DIAPH2: variants seen among roughly 807,000 people sequenced by gnomAD.
DIAPH2 encodes diaphanous related formin 2.
Under a neutral mutation model 92.7 loss-of-function variants are expected in DIAPH2, and 35 were observed. The ratio of observed to expected loss-of-function variants is 0.38; its 90% confidence interval spans 0.29 to 0.50. The LOEUF is 0.50. DIAPH2 is among the 20% of genes least tolerant of loss of function. The pLI, the probability that DIAPH2 is intolerant of heterozygous loss-of-function variation, is 0.94. For synonymous variants in DIAPH2, 301 were observed against 280.4 expected, an observed-to-expected ratio of 1.07 and a Z score of -0.73; for missense variants, 701 against 819.5, an observed-to-expected ratio of 0.86 and a Z score of 1.77.
At chrX:97,022,241 G>C (rs1431108500) in intron 17 of DIAPH2, among the ~76,000 whole-genome samples, 1 of 112,146 alleles carries the variant, frequency 8.9e-6, no homozygotes, top group Admixed American at 9.5e-5. Flanking sequence ...TTATATTCAG[G>C]ATAATGAGTA....
chrX:96,826,222 G>C (rs1183422585), intron 4 of DIAPH2, among the ~76,000 whole-genome samples: 1 of 110,295 alleles, frequency 9.1e-6, no homozygotes, highest in Non-Finnish European at 1.9e-5. Context: ...TTCGAGACCA[G>C]CCTGGCCAAA....
At chrX:96,751,647 G>GTTTTTTTTTTTTTTTTTTTTTTTT (rs1332024432) in intron 3 of DIAPH2, among the ~76,000 whole-genome samples, 111 of 84,970 alleles carry the variant, frequency 1.3e-3, no homozygotes, top group East Asian at 2.7e-3. Context: ...AGACTTCAGT[G>GTTTTTTTTTTTTTTTTTTTTTTTT]TTTTGTTTTT....
chrX:97,144,399 T>C (rs1348843104), intron 22 of DIAPH2, among the ~76,000 whole-genome samples: 1 of 111,125 alleles, frequency 9.0e-6, no homozygotes, highest in Admixed American at 9.6e-5. Context: ...GTAGGAATGA[T>C]ATATTGCATA....
chrX:96,992,787 A>C (rs2066081010), intron 17 of DIAPH2, among the ~76,000 whole-genome samples: 1 of 112,281 alleles, frequency 8.9e-6, no homozygotes. Context: ...GCATACAGGT[A>C]GAATTAACAA....
intron 17 of DIAPH2, among the ~76,000 whole-genome samples, chrX:97,034,939 T>C (rs748935057): frequency 9.0e-6 from 1 of 111,618 alleles, no homozygotes; most frequent in African/African-American, 3.3e-5. Flanking sequence ...CAATGGAGGG[T>C]TTGAGGATAC....
chrX:97,037,496 A>G (rs1288604205), intron 17 of DIAPH2, among the ~76,000 whole-genome samples: 2 of 111,402 alleles, frequency 1.8e-5, no homozygotes, highest in African/African-American at 3.3e-5. Context: ...TTCATTTTAT[A>G]CCATTTAGGA....
intron 19 of DIAPH2, among the ~76,000 whole-genome samples, chrX:97,079,017 A>G (rs1402958321): frequency 9.0e-6 from 1 of 111,151 alleles, no homozygotes; most frequent in Non-Finnish European, 1.9e-5. Flanking sequence ...ACAGATAGCA[A>G]ATTGGTGACT....
chrX:96,924,213 A>C (rs1156525482), intron 9 of DIAPH2, among the ~76,000 whole-genome samples: 3 of 112,092 alleles, frequency 2.7e-5, no homozygotes, highest in African/African-American at 9.7e-5. Context: ...GCATTTATAA[A>C]GTGTTGAATG....
intron 3 of DIAPH2, among the ~76,000 whole-genome samples, chrX:96,747,055 C>T (rs978951459): frequency 9.0e-6 from 1 of 111,653 alleles, no homozygotes; most frequent in Non-Finnish European, 1.9e-5. Flanking sequence ...AATAACTGAT[C>T]TGGTTTTTGT....
Position 96,705,049 on chromosome X carries a change from C to G in DIAPH2, c.132+19859C>G, listed in dbSNP as rs147255035. 4.9e-5 allele frequency among the ~76,000 whole-genome samples: 5 copies of G among 102,551 alleles called. No homozygotes were observed. In the East Asian group the frequency reaches 1.6e-3, roughly 33 times the overall value. The allele number at this position is 102,551 out of a possible 115,157, so 89.1% of individuals were successfully genotyped here. A position where few individuals can be genotyped will look rare whatever the true frequency, so the allele number is the denominator to read the frequency against. On this transcript the variant is annotated intron_variant, in intron 1 of 26. Coordinates refer to ENST00000324765, the MANE Select transcript of DIAPH2 (RefSeq NM_006729.5). ...AGTGCAGTGGTGCGATCTTGGTTCACTACAACCTCCACCTCCCAGGTACAA... is the reference window on the plus strand; with the variant it reads ...AGTGCAGTGGTGCGATCTTGGTTCAGTACAACCTCCACCTCCCAGGTACAA...
intron 26 of DIAPH2, among the ~76,000 whole-genome samples, chrX:97,509,055 A>AT (rs747381980): frequency 7.1e-5 from 7 of 98,126 alleles, no homozygotes; most frequent in Non-Finnish European, 1.4e-4. Flanking sequence ...TTATTTATTT[A>AT]TTATTTTTTG....
At chrX:96,929,862 A>G (rs1346509673) in intron 9 of DIAPH2, among the ~76,000 whole-genome samples, 1 of 110,795 alleles carries the variant, frequency 9.0e-6, no homozygotes, top group Non-Finnish European at 1.9e-5. Context: ...TTAAACAATT[A>G]GCCAGTTACC....
intron 17 of DIAPH2, among the ~76,000 whole-genome samples, chrX:96,972,376 T>C (rs777646840): frequency 8.9e-6 from 1 of 112,284 alleles, no homozygotes; most frequent in Non-Finnish European, 1.9e-5. Flanking sequence ...GAAAGTAGCA[T>C]AAAATTATAC....
intron 22 of DIAPH2, among the ~76,000 whole-genome samples, chrX:97,168,016 G>A (rs1221080745): frequency 3.6e-5 from 4 of 110,986 alleles, no homozygotes; most frequent in Admixed American, 2.9e-4. Flanking sequence ...AAACAGTTGT[G>A]GCTAGTAGTA....
At chrX:97,176,859 G>T (rs1339747960) in intron 22 of DIAPH2, among the ~76,000 whole-genome samples, 1 of 111,689 alleles carries the variant, frequency 9.0e-6, no homozygotes, top group African/African-American at 3.3e-5. Context: ...TGCAGATTCC[G>T]AAATTCGTGG....
chrX:97,468,145 A>G (rs758277704), intron 26 of DIAPH2, among the ~76,000 whole-genome samples: 67 of 112,183 alleles, frequency 6.0e-4, no homozygotes, highest in African/African-American at 2.0e-3. Context: ...CCCTTCTGCC[A>G]TCATATCGTC....
chrX:96,698,667 T>C (rs868858741), intron 1 of DIAPH2, among the ~76,000 whole-genome samples: 13 of 109,826 alleles, frequency 1.2e-4, no homozygotes, highest in African/African-American at 4.3e-4. Flanking sequence ...ATTACGAATA[T>C]ACCAGTATGT....
chrX:97,196,305 G>T (rs2067703769), intron 22 of DIAPH2, among the ~76,000 whole-genome samples: 1 of 111,213 alleles, frequency 9.0e-6, no homozygotes, highest in Admixed American at 9.6e-5. Flanking sequence ...CAATAAAAAG[G>T]GATTTTTGGT....
chrX:97,405,198 A>G (rs191886585), intron 25 of DIAPH2, among the ~76,000 whole-genome samples: 30 of 112,144 alleles, frequency 2.7e-4, no homozygotes, highest in African/African-American at 8.4e-4. Context: ...TCAGTACTGC[A>G]TAACTTACTT....
Sources: allele counts gnomAD v4.1 joint callset (sites outside exome capture counted in the v4.1 genomes callset), GRCh38; gene constraint gnomAD v4.1.1; transcripts MANE v1.5; gene names NCBI Gene and HGNC (gene_info 2026-07-23, HGNC 2026-07-21).